The following LYST variants were observed in gnomAD, a reference collection of about 807,000 sequenced individuals.
LYST encodes the protein lysosomal trafficking regulator.
In LYST, 192 loss-of-function variants were observed where a neutral mutation model predicts 413.6. The ratio of observed to expected loss-of-function variants is 0.46; its 90% confidence interval spans 0.41 to 0.52. The LOEUF is 0.52. Ranked by LOEUF, LYST falls within the 20% of genes least tolerant of loss-of-function variation. The pLI is 0.00. For missense variants in LYST, 3,815 were observed against 4,499.9 expected (o/e 0.85, Z 4.35); for synonymous variants, 1,525 against 1,567.3 (o/e 0.97, Z 0.64).
At position 235,806,379 on chromosome 1, in the gene LYST, C is replaced by T. The variant is rs753541871; in HGVS notation, c.2757G>A (p.Ser919=). ...CAGAAGTATCTTCTGAGTCATTGGC[C>T]GACTCCCTGTCAGACTCTGCTTCTT... ...VSKEAESDRE[S]ANDSEDTSGY... is the part of the protein sequence containing the mutation. Residue 919 remains serine, a synonymous_variant, in exon 6 of 53, where the codon TCG becomes TCA. Coordinates refer to ENST00000389793, the MANE Select transcript of LYST (RefSeq NM_000081.4). The T allele has an allele frequency of 8.2e-5, 132 of 1,613,808 alleles. No homozygotes were observed. Among genetic ancestry groups the T allele is most frequent in the Non-Finnish European group, 9.9e-5 (117 of 1,179,998 alleles).
chr1:235,784,966 C>T (rs1359184236), intron 14 of LYST, among the ~76,000 whole-genome samples: 1 of 152,188 alleles, frequency 6.6e-6, no homozygotes, highest in African/African-American at 2.4e-5. Flanking sequence ...TACAACAAAA[C>T]TGAACTCTTA....
chr1:235,677,677 G>GT, intron 48 of LYST, 58 bp from the exon 49 acceptor site: 1 of 1,352,510 alleles, frequency 7.4e-7, no homozygotes, highest in South Asian at 1.2e-5. Flanking sequence ...CTCTAGTATA[G>GT]TATCTCAAAA....
intron 1 of LYST, among the ~76,000 whole-genome samples, chr1:235,847,150 G>T (rs1285606188): frequency 6.6e-6 from 1 of 152,122 alleles, no homozygotes; most frequent in East Asian, 1.9e-4. Context: ...GCCTATAAAA[G>T]AAAACCTATC....
chr1:235,868,361 A>G (rs1289038083), upstream of LYST, among the ~76,000 whole-genome samples: 1 of 152,168 alleles, frequency 6.6e-6, no homozygotes, highest in Admixed American at 6.5e-5. Context: ...ATGGGCCTGA[A>G]CTGAAACAAA....
rs759371628 is a variant in LYST at position 235,766,321 on chromosome 1, A to C, written c.5923-44T>G. The C allele has an allele frequency of 4.9e-6, 7 of 1,439,898 alleles. No individual in the cohort carries two copies. In the African/African-American group the frequency reaches 8.6e-5, roughly 18 times the overall value. 89.2% of individuals were successfully genotyped at this position (1,439,898 alleles called of 1,614,324 possible). ...CTCTCTTTAGATTTAAAGAATTGTC[A>C]ACTTAACTAAGATTTTTCATTTAGG... On this transcript the variant is annotated intron_variant, in intron 20 of 52. Transcript: ENST00000389793.
intron 40 of LYST, among the ~76,000 whole-genome samples, chr1:235,719,920 G>C (rs1276944930): frequency 1.3e-5 from 2 of 152,020 alleles, no homozygotes; most frequent in Admixed American, 1.3e-4. Flanking sequence ...GCTCATGCCT[G>C]TCATCTCAGC....
rs976427443 is a variant in LYST at position 235,809,080 on chromosome 1, T to C, written c.1738A>G (p.Ile580Val). The C allele has an allele frequency of 1.2e-6, 2 of 1,614,026 alleles. No homozygotes were observed. The highest frequency in any genetic ancestry group is 2.7e-5 in the African/African-American group (2 of 74,922). ...CVQILSGVHN[I>V]GICCCMDPKS... Reference sequence around the variant, plus strand: ...GGATCCATACAACAGCATATTCCAATGTTATGAACACCCGATAGGATCTGG... The same window carrying C: ...GGATCCATACAACAGCATATTCCAACGTTATGAACACCCGATAGGATCTGG... Residue 580 changes from isoleucine (I) to valine (V), a missense_variant, in exon 5 of 53, where the codon ATT becomes GTT. Around this residue, in one of 4 missense-constraint regions of LYST, gnomAD observed 1,648 missense variants for 1,810.3 expected, o/e 0.91. Coordinates refer to ENST00000389793, the MANE Select transcript of LYST (RefSeq NM_000081.4). This position sits in a 1 kb window ranked among gnomAD's most constrained non-coding sequence, Gnocchi z 4.0.
intron 28 of LYST, among the ~76,000 whole-genome samples, chr1:235,749,119 C>T (rs1666211323): frequency 2.0e-5 from 3 of 152,078 alleles, no homozygotes; most frequent in South Asian, 4.1e-4. Flanking sequence ...CCTCTATGTC[C>T]CTTTAGTATC....
chr1:235,791,463 T>C (rs1380803639), intron 12 of LYST: 2 of 474,790 alleles, frequency 4.2e-6, no homozygotes, highest in African/African-American at 2.0e-5. Context: ...CCAGAAAAAG[T>C]TGTATATGTG....
chr1:235,854,180 T>C lies in LYST; in HGVS notation c.-98+12663A>G, dbSNP rs150757949. 3.3e-5 allele frequency among the ~76,000 whole-genome samples: 5 copies of C among 152,294 alleles called. No homozygotes were observed. The highest frequency in any genetic ancestry group is 6.5e-5 in the Admixed American group (1 of 15,300). The stretch of plus-strand genomic sequence containing the variant: ...ATTAATTACTACACATCAGGCACTA[T>C]TGTAAGCACTCTAGGTAAGTAGAGT... On this transcript the variant is annotated intron_variant, in intron 1 of 52. Transcript: ENST00000389793. This position sits in a 1 kb window ranked among gnomAD's most constrained non-coding sequence, Gnocchi z 4.1.
chr1:235,737,917 GTC>G, intron 31 of LYST: 4 of 1,160,122 alleles, frequency 3.4e-6, no homozygotes, highest in South Asian at 7.9e-5. Context: ...CTGCCGACGA[GTC>G]TGGATCTCAC....
chr1:235,776,102 C>T (rs1024220891), intron 17 of LYST, among the ~76,000 whole-genome samples: 11 of 151,918 alleles, frequency 7.2e-5, no homozygotes, highest in South Asian at 2.1e-4. Flanking sequence ...TGAAACTATA[C>T]GATGGTACAA....
intron 7 of LYST, 123 bp from the exon 8 acceptor site, chr1:235,803,187 CAATATG>C: frequency 1.3e-6 from 1 of 740,810 alleles, no homozygotes; most frequent in Non-Finnish European, 2.2e-6. Flanking sequence ...ACTTAGTAAA[CAATATG>C]AATCATTATA....
Position 235,809,954 on chromosome 1 carries a change from T to A in LYST, c.864A>T (p.Thr288=). The A allele has an allele frequency of 6.2e-7, 1 of 1,613,928 alleles. No homozygotes were observed. Among genetic ancestry groups the A allele is most frequent in the Non-Finnish European group, 8.5e-7 (1 of 1,179,952 alleles). ...NSPLAASVVP[T]LTEFLAGFGD... ...CAAAGCCTGCTAGGAATTCAGTTAG[T>A]GTGGGCACTACACTGGCTGCTAAAG... Residue 288 remains threonine (T), a synonymous_variant, in exon 5 of 53, where the codon ACA becomes ACT. Transcript: ENST00000389793. This position sits in a 1 kb window ranked among gnomAD's most constrained non-coding sequence, Gnocchi z 4.0.
chr1:235,803,001 A>G lies in LYST; in HGVS notation c.3619T>C (p.Ser1207Pro), dbSNP rs770160558. ...AAAAGTTTAAAACTACAACACTGAG[A>G]ATCCTCAGCTTCTTCTGAAAAATCA... Reference protein sequence around the residue: ...PGDFSEEAEDSQCCSFKLLVE... With the variant: ...PGDFSEEAEDPQCCSFKLLVE... Residue 1207 changes from serine (S) to proline (P), a missense_variant, in exon 8 of 53, where the codon TCT becomes CCT. This residue lies in a region of LYST where 1,648 missense variants were observed against 1,810.3 expected (regional missense o/e 0.91). Coordinates refer to ENST00000389793, the MANE Select transcript of LYST (RefSeq NM_000081.4). The G allele has an allele frequency of 1.2e-5, 19 of 1,613,224 alleles. No individual in the cohort carries two copies. The highest frequency in any genetic ancestry group is 4.0e-5 in the African/African-American group (3 of 74,904).
intron 47 of LYST, 35 bp from the exon 48 acceptor site, chr1:235,687,082 T>G (rs778814397): frequency 7.3e-7 from 1 of 1,371,130 alleles, no homozygotes; most frequent in Non-Finnish European, 1.0e-6. Flanking sequence ...TTATCATGTT[T>G]TAAAAGAATG....
rs376259384 is a variant in LYST at position 235,808,970 on chromosome 1, G to A, written c.1848C>T (p.Asn616=). The change falls in exon 5 of 53, where the codon AAC becomes AAT. Residue 616 remains asparagine (N), a synonymous_variant. Coordinates refer to ENST00000389793, the MANE Select transcript of LYST (RefSeq NM_000081.4). Reference sequence around the variant, plus strand: ...CTCCTAACTGATCCAAAATAAGTTTGTTAAGGATATTCAATATATGCTGCT... The same window carrying A: ...CTCCTAACTGATCCAAAATAAGTTTATTAAGGATATTCAATATATGCTGCT... The part of the protein sequence containing the change: ...NFQQHILNIL[N]KLILDQLGGA... 34 of 1,613,898 alleles carry A rather than the reference G, an allele frequency of 2.1e-5. No homozygotes were observed. The highest frequency in any genetic ancestry group is 1.6e-4 in the Middle Eastern group (1 of 6,082).
chr1:235,850,202 A>G (rs955114008), intron 1 of LYST, among the ~76,000 whole-genome samples: 3 of 152,220 alleles, frequency 2.0e-5, no homozygotes, highest in Non-Finnish European at 4.4e-5. Flanking sequence ...AACACAATAG[A>G]GAACCCAGAA....
chr1:235,747,755 G>A (rs549089269), intron 28 of LYST, among the ~76,000 whole-genome samples: 84 of 152,274 alleles, frequency 5.5e-4, no homozygotes, highest in Non-Finnish European at 6.5e-4. Flanking sequence ...ACTAGAAAAC[G>A]TGGGAGGGTA....
Sources: allele counts gnomAD v4.1 joint callset (sites outside exome capture counted in the v4.1 genomes callset), GRCh38; gene constraint gnomAD v4.1.1; regional missense constraint gnomAD v4.1.1; non-coding constraint Gnocchi (gnomAD v3.1); transcripts MANE v1.5; gene names NCBI Gene and HGNC (gene_info 2026-07-23, HGNC 2026-07-21).